The following RDX variants were observed in gnomAD, a reference collection of about 807,000 sequenced individuals.
The protein encoded by RDX is deafness, autosomal recessive 24.
Under a neutral mutation model 83.7 loss-of-function variants are expected in RDX, and 32 were observed. That is an observed-to-expected ratio of 0.38 (90% CI 0.29 to 0.51). The LOEUF is 0.51. Ranked by LOEUF, RDX falls within the 20% of genes least tolerant of loss-of-function variation. RDX has a pLI of 0.87. For synonymous variants in RDX, 229 were observed against 222.7 expected, an observed-to-expected ratio of 1.03 and a Z score of -0.25; for missense variants, 600 against 689.9, an observed-to-expected ratio of 0.87 and a Z score of 1.46.
intron 15 of RDX, among the ~76,000 whole-genome samples, chr11:110,181,420 C>T (rs1211142476): frequency 6.6e-6 from 1 of 152,148 alleles, no homozygotes; most frequent in African/African-American, 2.4e-5. Flanking sequence ...CCTCGGCCTC[C>T]CAGAGTGCTG....
At position 110,261,873 on chromosome 11, in the gene RDX, T is replaced by C. The variant is rs565633060; in HGVS notation, c.467+2087A>G. On this transcript the variant is annotated intron_variant, in intron 5 of 13. Transcript: ENST00000645495. ...TAAAATAAACTGTGCTTGTGTGTTATTGTAGTGTTTAAGAGATTTTTTTCA... is the reference window on the plus strand; with the variant it reads ...TAAAATAAACTGTGCTTGTGTGTTACTGTAGTGTTTAAGAGATTTTTTTCA... 2.6e-5 allele frequency among the ~76,000 whole-genome samples: 4 copies of C among 152,332 alleles called. No individual in the cohort carries two copies. In the South Asian group the frequency reaches 6.2e-4, roughly 24 times the overall value.
chr11:110,263,833 A>G, intron 5 of RDX, 127 bp downstream of exon 5: 2 of 788,828 alleles, frequency 2.5e-6, no homozygotes, highest in Non-Finnish European at 4.0e-6. Context: ...ACGCCACTGC[A>G]CTCCAGCATG....
chr11:110,180,393 T>C (rs995630360), intron 15 of RDX, among the ~76,000 whole-genome samples: 8 of 152,196 alleles, frequency 5.3e-5, no homozygotes. Context: ...CCCTCCCAAC[T>C]TCAGCGGTCG....
At chr11:110,261,740 A>G (rs1043880540) in intron 5 of RDX, among the ~76,000 whole-genome samples, 5 of 152,248 alleles carry the variant, frequency 3.3e-5, no homozygotes, top group Admixed American at 1.3e-4. Context: ...AAATTAAGGA[A>G]CAAATCTTGA....
chr11:110,239,841 TAAA>T (rs34603140), intron 10 of RDX, among the ~76,000 whole-genome samples: 9 of 134,602 alleles, frequency 6.7e-5, no homozygotes, highest in South Asian at 2.3e-4. Context: ...ACTCTGTTTT[TAAA>T]AAAAAAAAAA....
At chr11:110,200,779 G>A (rs763798597) in intron 14 of RDX, among the ~76,000 whole-genome samples, 33 of 152,310 alleles carry the variant, frequency 2.2e-4, no homozygotes, top group South Asian at 4.1e-4. Context: ...TGAGCTTGAT[G>A]TTAACCTGGC....
At chr11:110,292,470 C>CA (rs968656403) in intron 1 of RDX, among the ~76,000 whole-genome samples, 10 of 148,242 alleles carry the variant, frequency 6.7e-5, no homozygotes, top group South Asian at 2.1e-4. Context: ...ACTCTGTTTT[C>CA]AAAAAAAAAT....
intron 15 of RDX, among the ~76,000 whole-genome samples, chr11:110,192,922 T>A (rs1863130411): frequency 6.6e-6 from 1 of 151,780 alleles, no homozygotes; most frequent in Non-Finnish European, 1.5e-5. Context: ...TTGGTGGGAA[T>A]ATAAATTAGT....
intron 15 of RDX, among the ~76,000 whole-genome samples, chr11:110,191,725 G>T (rs907213164): frequency 5.9e-5 from 9 of 152,144 alleles, no homozygotes; most frequent in Admixed American, 4.6e-4. Context: ...GTGTGGTGCT[G>T]TGTGCCTGTA....
chr11:110,247,902 C>T, intron 9 of RDX, 69 bp from the exon 10 acceptor site: 1 of 1,493,430 alleles, frequency 6.7e-7, no homozygotes, highest in Non-Finnish European at 9.0e-7. Context: ...TGGAATACTA[C>T]TCTGCCATAA....
chr11:110,199,505 A>T (rs1863321256), intron 15 of RDX: 2 of 696,908 alleles, frequency 2.9e-6, no homozygotes, highest in South Asian at 3.0e-5. Flanking sequence ...TCCCACCAGC[A>T]TCCTGGCAGT....
chr11:110,226,516 A>G (rs941841477), downstream of RDX, among the ~76,000 whole-genome samples: 3 of 152,190 alleles, frequency 2.0e-5, no homozygotes, highest in Non-Finnish European at 4.4e-5. Flanking sequence ...TACAGGCTTC[A>G]GTCCGGGAAG....
At position 110,264,006 on chromosome 11, in the gene RDX, T is replaced by C; in HGVS notation, c.421A>G (p.Ile141Val). The C allele has an allele frequency of 6.2e-7, 1 of 1,613,790 alleles. No homozygotes were observed. The highest frequency in any genetic ancestry group is 8.5e-7 in the Non-Finnish European group (1 of 1,179,716). ...QAKYGDYNKE[I>V]HKPGYLANDR... is the part of the protein sequence containing the mutation. ...TTAGCCAGGTAGCCTGGCTTATGAA[T>C]CTCTTTATTGTAATCTCCATACTTG... The change falls in exon 5 of 14, where the codon ATT becomes GTT. Residue 141 changes from isoleucine (I) to valine (V), a missense_variant. Physicochemically the swap from Ile to Val is conservative, Grantham distance 29. Transcript: ENST00000645495.
At chr11:110,202,595 CTTT>C (rs58793509) in intron 14 of RDX, among the ~76,000 whole-genome samples, 13 of 121,258 alleles carry the variant, frequency 1.1e-4, no homozygotes, top group Non-Finnish European at 1.1e-4. Flanking sequence ...ATTTTTCTTT[CTTT>C]TTTTTTTTTT....
chr11:110,238,939 A>ACC lies in RDX; in HGVS notation c.1091-1288_1091-1287insGG, dbSNP rs111880717. Among the ~76,000 whole-genome samples, 33 of 144,936 alleles carry ACC rather than the reference A, an allele frequency of 2.3e-4. No individual in the cohort carries two copies. The South Asian group carries it at 7.2e-3, about 32-fold the overall frequency. ...GACTCTGTCTCAAAAAAAAAAAAAA[A>ACC]AAACAAAAAAAACACTTGGAAGGTT... On this transcript the variant is annotated intron_variant, in intron 10 of 13. Transcript: ENST00000645495.
chr11:110,290,650 A>G (rs1676512), intron 1 of RDX, among the ~76,000 whole-genome samples: 118,946 of 152,178 alleles, frequency 0.78, 46,803 homozygotes, highest in African/African-American at 0.87. Context: ...ATAACTGTCC[A>G]AATGTACGAC....
rs990189789 is a variant in RDX, at chr11:110,284,492, T to A, written c.-64-4736A>T. Among the ~76,000 whole-genome samples the A allele has an allele frequency of 3.3e-5, 5 of 151,702 alleles. No individual in the cohort carries two copies. In the South Asian group the frequency reaches 6.2e-4, roughly 19 times the overall value. On this transcript the variant is annotated intron_variant, in intron 1 of 13. Coordinates refer to ENST00000645495, the MANE Select transcript of RDX (RefSeq NM_002906.4). ...GAAAGGCAGAATATGTAACTACCCA[T>A]CCATCAACACAGAAAAACACAGGTA...
intron 5 of RDX, 73 bp downstream of exon 5, chr11:110,263,881 AAACCTG>A: frequency 1.4e-6 from 2 of 1,418,110 alleles, no homozygotes; most frequent in Non-Finnish European, 1.9e-6. Context: ...AAAAAAAAAA[AAACCTG>A]AAAAACGTTT....
intron 14 of RDX, among the ~76,000 whole-genome samples, chr11:110,205,996 C>A (rs1863588442): frequency 6.6e-6 from 1 of 152,162 alleles, no homozygotes; most frequent in Non-Finnish European, 1.5e-5. Context: ...TGGCTCATGC[C>A]TGTAATCCCA....
Sources: allele counts gnomAD v4.1 joint callset (sites outside exome capture counted in the v4.1 genomes callset), GRCh38; gene constraint gnomAD v4.1.1; transcripts MANE v1.5; gene names NCBI Gene and HGNC (gene_info 2026-07-23, HGNC 2026-07-21).